The following NCALD variants were observed in gnomAD, a reference collection of about 807,000 sequenced individuals.
NCALD encodes neurocalcin delta, also known as neurocalcin-delta.
NCALD carries 10 observed loss-of-function variants against 18.6 expected under a neutral mutation model. The ratio of observed to expected loss-of-function variants is 0.54; its 90% CI spans 0.33 to 0.91. The LOEUF (loss-of-function observed/expected upper bound fraction) is 0.91, where lower values mean the gene tolerates loss of function less well. Ranked by LOEUF, NCALD falls within the 40% of genes least tolerant of loss-of-function variation. NCALD has a pLI of 0.03. For missense variants in NCALD, 184 were observed against 247.6 expected, an observed-to-expected ratio of 0.74 and a Z score of 1.72; for synonymous variants, 88 against 87.4, an observed-to-expected ratio of 1.01 and a Z score of -0.04.
At chr8:101,722,870 TC>T (rs1233322387) in intron 1 of NCALD, among the ~76,000 whole-genome samples, 1 of 152,212 alleles carries the variant, frequency 6.6e-6, no homozygotes, top group African/African-American at 2.4e-5. Flanking sequence ...AAACGAGTGT[TC>T]ACAATTAAGC....
chr8:101,902,424 G>C (rs1033418264), intron 3 of NCALD, among the ~76,000 whole-genome samples: 55 of 152,282 alleles, frequency 3.6e-4, no homozygotes, highest in African/African-American at 1.3e-3. Flanking sequence ...CTCATGGGTT[G>C]GCCAGGGGTC....
At chr8:101,805,632 A>G (rs769645470) in intron 4 of NCALD, among the ~76,000 whole-genome samples, 15 of 152,194 alleles carry the variant, frequency 9.9e-5, no homozygotes, top group Non-Finnish European at 1.8e-4. Context: ...ATAAGAACAG[A>G]GAGCTCTGAA....
chr8:101,693,393 G>C (rs942580214), intron 2 of NCALD: 2 of 124,126 alleles, frequency 1.6e-5, no homozygotes, highest in Non-Finnish European at 3.1e-5. Context: ...AGCTGGTCTC[G>C]AACTCCTGGG....
chr8:101,842,688 A>C (rs1339402374), intron 4 of NCALD, among the ~76,000 whole-genome samples: 3 of 152,214 alleles, frequency 2.0e-5, no homozygotes, highest in African/African-American at 4.8e-5. Context: ...AATCTTTCCC[A>C]AAAGGCCCCC....
At chr8:101,854,657 T>C (rs993572505) in intron 4 of NCALD, among the ~76,000 whole-genome samples, 1 of 152,198 alleles carries the variant, frequency 6.6e-6, no homozygotes, top group Admixed American at 6.5e-5. Flanking sequence ...TGAATAAACA[T>C]ATAGCTTTCC....
chr8:102,039,876 C>T (rs936648219), intron 1 of NCALD, among the ~76,000 whole-genome samples: 4 of 152,184 alleles, frequency 2.6e-5, no homozygotes, highest in African/African-American at 9.7e-5. Context: ...AACACTTCCT[C>T]TCCCAACATG....
At chr8:102,007,828 C>A (rs766762404) in intron 2 of NCALD, among the ~76,000 whole-genome samples, 5 of 152,122 alleles carry the variant, frequency 3.3e-5, no homozygotes, top group Admixed American at 6.5e-5. Context: ...CAGGGCCAAC[C>A]AAACAGACTG....
At chr8:101,947,506 A>G (rs1819222627) in intron 2 of NCALD, among the ~76,000 whole-genome samples, 2 of 152,228 alleles carry the variant, frequency 1.3e-5, no homozygotes, top group South Asian at 4.1e-4. Context: ...TAAAAAAATT[A>G]TTAAAGAGAA....
intron 4 of NCALD, among the ~76,000 whole-genome samples, chr8:101,884,662 ACT>A (rs1816610142): frequency 6.6e-6 from 1 of 151,628 alleles, no homozygotes; most frequent in Non-Finnish European, 1.5e-5. Flanking sequence ...GAAATAAACT[ACT>A]CTCTATTTTT....
chr8:101,886,789 A>G (rs1048590303), intron 4 of NCALD, among the ~76,000 whole-genome samples: 11 of 152,190 alleles, frequency 7.2e-5, no homozygotes, highest in Admixed American at 6.5e-4. Context: ...AAGGAGGGGT[A>G]TAAATTACCT....
At chr8:101,712,717 A>G (rs1283884038) in intron 2 of NCALD, among the ~76,000 whole-genome samples, 3 of 152,214 alleles carry the variant, frequency 2.0e-5, no homozygotes, top group Non-Finnish European at 2.9e-5. Context: ...TCAATGCAAC[A>G]AGAAGAGCTA....
intron 2 of NCALD, among the ~76,000 whole-genome samples, chr8:101,985,148 G>C (rs749841205): frequency 3.3e-5 from 5 of 152,172 alleles, no homozygotes; most frequent in African/African-American, 9.7e-5. Context: ...GCCATGCTGC[G>C]TGGAAGCCAA....
intron 2 of NCALD, among the ~76,000 whole-genome samples, chr8:101,981,652 A>T (rs1820621981): frequency 6.6e-6 from 1 of 152,238 alleles, no homozygotes; most frequent in African/African-American, 2.4e-5. Context: ...GTGACCTTCA[A>T]ATTAAATGGC....
At chr8:102,075,641 T>C (rs571392675) in intron 1 of NCALD, among the ~76,000 whole-genome samples, 3 of 152,314 alleles carry the variant, frequency 2.0e-5, no homozygotes, top group Admixed American at 6.5e-5. Context: ...ATTGGCAAGA[T>C]GAATCAAGAC....
chr8:101,902,160 T>C (rs1817452101), intron 3 of NCALD, among the ~76,000 whole-genome samples: 1 of 152,210 alleles, frequency 6.6e-6, no homozygotes, highest in Non-Finnish European at 1.5e-5. Flanking sequence ...CTCTTTTTTT[T>C]CTTCAGCCTA....
At chr8:102,077,338 A>G (rs1294532981) in intron 1 of NCALD, among the ~76,000 whole-genome samples, 2 of 152,342 alleles carry the variant, frequency 1.3e-5, no homozygotes, top group East Asian at 3.9e-4. Context: ...CATTGTGTCC[A>G]TGGATGGGAG....
intron 2 of NCALD, among the ~76,000 whole-genome samples, chr8:101,953,571 T>TCTCAA (rs1422084039): frequency 2.6e-5 from 4 of 152,278 alleles, no homozygotes; most frequent in African/African-American, 9.6e-5. Flanking sequence ...GGATCAGAGA[T>TCTCAA]CTCAAGGGGG....
intron 1 of NCALD, among the ~76,000 whole-genome samples, chr8:102,062,494 T>C (rs911210887): frequency 6.6e-6 from 1 of 152,212 alleles, no homozygotes; most frequent in Non-Finnish European, 1.5e-5. Flanking sequence ...GACTAGCACA[T>C]AGTAAGTGCT....
intron 1 of NCALD, among the ~76,000 whole-genome samples, chr8:101,767,111 C>G (rs1378765037): frequency 6.6e-6 from 1 of 152,202 alleles, no homozygotes; most frequent in Admixed American, 6.5e-5. Flanking sequence ...GCAGACCTGG[C>G]TTGGCCTCCT....
Sources: allele counts gnomAD v4.1 joint callset (sites outside exome capture counted in the v4.1 genomes callset), GRCh38; gene constraint gnomAD v4.1.1; transcripts MANE v1.5; gene names NCBI Gene and HGNC (gene_info 2026-07-23, HGNC 2026-07-21).